Variants in ADK observed in about 807,000 individuals in gnomAD.
ADK encodes the protein N6,N6-dimethyladenosine kinase.
ADK carries 24 observed loss-of-function variants against 44.7 expected under a neutral mutation model. The observed-to-expected ratio is 0.54, with a 90% CI of 0.39 to 0.76. ADK has a LOEUF of 0.76. Ranked by LOEUF, ADK falls within the 30% of genes least tolerant of loss-of-function variation. ADK has a pLI of 0.00. For synonymous variants in ADK, 128 were observed against 142.6 expected (o/e 0.90, Z 0.73); for missense variants, 321 against 425.1 (o/e 0.76, Z 2.15).
chr10:74,492,868 A>G (rs919208258), intron 6 of ADK, among the ~76,000 whole-genome samples: 1 of 152,120 alleles, frequency 6.6e-6, no homozygotes, highest in Non-Finnish European at 1.5e-5. Flanking sequence ...TATATTTTCA[A>G]ATTTCTCTAC....
At chr10:74,419,863 AG>A in intron 6 of ADK, among the ~76,000 whole-genome samples, 1 of 152,314 alleles carries the variant, frequency 6.6e-6, no homozygotes, top group East Asian at 1.9e-4. Flanking sequence ...ATTGCATTTT[AG>A]AAAAAAAGAA....
In ADK at chr10:74,645,992, T is replaced by G. The variant is rs373743820; in HGVS notation, c.878-24191T>G. Among the ~76,000 whole-genome samples, 8 of 152,210 alleles carry G rather than the reference T, an allele frequency of 5.3e-5. No homozygotes were observed. In the East Asian group the frequency reaches 1.3e-3, roughly 26 times the overall value. On this transcript the variant is annotated intron_variant, in intron 9 of 10. Transcript: ENST00000539909. ...ATGAACATCTGCAACTTCGATCTTA[T>G]TAACAGAGGATAGAATGGAAGGCAG...
At chr10:74,612,970 TG>T (rs1852612452) in intron 9 of ADK, among the ~76,000 whole-genome samples, 1 of 152,144 alleles carries the variant, frequency 6.6e-6, no homozygotes, top group Non-Finnish European at 1.5e-5. Flanking sequence ...TTCTCTATTT[TG>T]TTCCATTGAT....
At chr10:74,232,546 G>GCCC (rs1313985569) in intron 3 of ADK, among the ~76,000 whole-genome samples, 1 of 20,036 alleles carries the variant, frequency 5.0e-5, no homozygotes, top group Non-Finnish European at 9.4e-5. Flanking sequence ...CAACCCCCCC[G>GCCC]CACCCCCCCC....
intron 4 of ADK, among the ~76,000 whole-genome samples, chr10:74,324,333 C>A (rs10762596): frequency 0.65 from 98,835 of 152,028 alleles, 33,360 homozygotes; most frequent in Middle Eastern, 0.8. Flanking sequence ...CACAGCCTTT[C>A]ACCAATTGTC....
chr10:74,325,176 A>G (rs1455588368), intron 4 of ADK, among the ~76,000 whole-genome samples: 1 of 151,798 alleles, frequency 6.6e-6, no homozygotes, highest in Non-Finnish European at 1.5e-5. Flanking sequence ...AGCGTTTTAT[A>G]CTTTTCATCT....
chr10:74,662,896 C>T (rs1854794987), intron 9 of ADK, among the ~76,000 whole-genome samples: 1 of 152,146 alleles, frequency 6.6e-6, no homozygotes, highest in Admixed American at 6.6e-5. Flanking sequence ...CACACTTCAT[C>T]ATATCATCCT....
At chr10:74,398,788 G>T (rs1050585026) in intron 6 of ADK, among the ~76,000 whole-genome samples, 1 of 151,786 alleles carries the variant, frequency 6.6e-6, no homozygotes, top group East Asian at 1.9e-4. Context: ...TTATCTTCAG[G>T]TCTACCTATT....
chr10:74,324,533 TAAC>T (rs748034228), intron 4 of ADK, among the ~76,000 whole-genome samples: 1 of 152,248 alleles, frequency 6.6e-6, no homozygotes, highest in Non-Finnish European at 1.5e-5. Flanking sequence ...TTATTTCTGT[TAAC>T]AAGTTATTCT....
chr10:74,258,045 T>A (rs1053640133), intron 3 of ADK, among the ~76,000 whole-genome samples: 3 of 152,216 alleles, frequency 2.0e-5, no homozygotes, highest in African/African-American at 7.2e-5. Flanking sequence ...TTTCCTCACT[T>A]GCTTCCTTCT....
At chr10:74,464,606 G>C (rs1225176931) in intron 6 of ADK, among the ~76,000 whole-genome samples, 2 of 152,112 alleles carry the variant, frequency 1.3e-5, no homozygotes, top group Non-Finnish European at 2.9e-5. Context: ...GAATGATGTT[G>C]TTTTATAGTT....
At chr10:74,258,684 A>G (rs538809995) in intron 3 of ADK, among the ~76,000 whole-genome samples, 1 of 152,304 alleles carries the variant, frequency 6.6e-6, no homozygotes, top group Non-Finnish European at 1.5e-5. Flanking sequence ...TTCACATATC[A>G]ATTCTGATAA....
chr10:74,600,040 A>G (rs1852059961), intron 8 of ADK, among the ~76,000 whole-genome samples: 1 of 152,174 alleles, frequency 6.6e-6, no homozygotes, highest in African/African-American at 2.4e-5. Context: ...GGTTATGTTT[A>G]TCATTACCTT....
chr10:74,406,526 T>TAAGAAGAAG (rs57627124), intron 6 of ADK, among the ~76,000 whole-genome samples: 4 of 136,126 alleles, frequency 2.9e-5, no homozygotes, highest in South Asian at 2.5e-4. Context: ...ATAATAATAA[T>TAAGAAGAAG]AAGAAGAAGA....
chr10:74,376,777 CTT>C (rs35675013), intron 4 of ADK, among the ~76,000 whole-genome samples: 190 of 135,346 alleles, frequency 1.4e-3, no homozygotes, highest in Non-Finnish European at 1.6e-3. Flanking sequence ...TCTCTCTCGT[CTT>C]TTTTTTTTTT....
At chr10:74,396,957 TG>T (rs969183724) in intron 5 of ADK, among the ~76,000 whole-genome samples, 1 of 148,890 alleles carries the variant, frequency 6.7e-6, no homozygotes, top group African/African-American at 2.5e-5. Flanking sequence ...AAACTTCATC[TG>T]GAAAAAAAAA....
At chr10:74,244,203 A>G (rs1217497208) in intron 3 of ADK, among the ~76,000 whole-genome samples, 2 of 152,230 alleles carry the variant, frequency 1.3e-5, no homozygotes, top group East Asian at 1.9e-4. Flanking sequence ...TAGAATTGTT[A>G]TGCAGTTTTT....
intron 1 of ADK, among the ~76,000 whole-genome samples, chr10:74,167,038 C>T (rs1456527336): frequency 2.6e-5 from 4 of 151,944 alleles, no homozygotes; most frequent in Admixed American, 6.6e-5. Context: ...ATTTTATAAA[C>T]GAGAAATAGA....
chr10:74,559,390 T>C (rs540525358), intron 7 of ADK, among the ~76,000 whole-genome samples: 4 of 152,386 alleles, frequency 2.6e-5, no homozygotes, highest in African/African-American at 7.2e-5. Flanking sequence ...AGTACAAACT[T>C]ATCTATCTGC....
Sources: allele counts gnomAD v4.1 joint callset (sites outside exome capture counted in the v4.1 genomes callset), GRCh38; gene constraint gnomAD v4.1.1; transcripts MANE v1.5; gene names NCBI Gene and HGNC (gene_info 2026-07-23, HGNC 2026-07-21).